Variants in HIVEP3 observed in about 807,000 individuals in gnomAD.
HIVEP3 encodes the protein transcription factor HIVEP3.
In HIVEP3, 49 loss-of-function variants were observed where a neutral mutation model predicts 152.8. That is an observed-to-expected ratio of 0.32 (90% CI 0.26 to 0.41). The LOEUF is 0.41. HIVEP3 is among the 10% of genes least tolerant of loss of function. The pLI is 1.00. For missense variants in HIVEP3, 2,790 were observed against 3,103.3 expected, an observed-to-expected ratio of 0.90 and a Z score of 2.40; for synonymous variants, 1,269 against 1,289.0, an observed-to-expected ratio of 0.98 and a Z score of 0.33.
At chr1:41,576,752 A>G (rs1319345984) in intron 4 of HIVEP3, among the ~76,000 whole-genome samples, 1 of 152,198 alleles carries the variant, frequency 6.6e-6, no homozygotes, top group Non-Finnish European at 1.5e-5. Flanking sequence ...CCAGCACCAG[A>G]TAGGCCATGG....
At chr1:41,927,493 C>G (rs1644974021) in intron 1 of HIVEP3, among the ~76,000 whole-genome samples, 1 of 152,158 alleles carries the variant, frequency 6.6e-6, no homozygotes, top group Admixed American at 6.5e-5. Context: ...TTACATTCAC[C>G]TAGGGTAAAA....
chr1:41,768,344 A>G (rs946660596), intron 1 of HIVEP3, among the ~76,000 whole-genome samples: 1 of 152,248 alleles, frequency 6.6e-6, no homozygotes, highest in African/African-American at 2.4e-5. Flanking sequence ...TATCGCAAGA[A>G]GAGCAGGAGA....
At chr1:41,609,062 T>TA (rs34046231) in intron 3 of HIVEP3, among the ~76,000 whole-genome samples, 7,757 of 141,468 alleles carry the variant, frequency 0.055, 509 homozygotes, top group African/African-American at 0.16. Context: ...TCCGTCTCAA[T>TA]AAAAAAAAAA....
intron 2 of HIVEP3, among the ~76,000 whole-genome samples, chr1:41,694,449 G>A (rs191275976): frequency 5.3e-5 from 8 of 152,252 alleles, no homozygotes; most frequent in Admixed American, 1.3e-4. Context: ...GATATTTGCC[G>A]GGTGAATGAA....
rs767464049 is a variant in HIVEP3, at chr1:41,584,630, C to A, written c.168G>T (p.Pro56=). The A allele has an allele frequency of 5.0e-6, 8 of 1,606,978 alleles. No individual in the cohort carries two copies. In the South Asian group the frequency reaches 5.6e-5, roughly 11 times the overall value. The part of the protein sequence containing the change: ...QESPAQELLA[P]QPFPGPSSVL... ...CTGATGAGGGGCCCGGGAAGGGCTG[C>A]GGGGCTAAGAGCTCTTGGGCGGGGC... Residue 56 remains proline, a synonymous_variant, in exon 4 of 9, where the codon CCG becomes CCT. Transcript: ENST00000372583. The surrounding 1 kb of genome is among the most constrained non-coding windows in gnomAD (Gnocchi z 5.2).
At chr1:41,585,420 A>C (rs1644489951) in intron 3 of HIVEP3, 102 bp from the exon 4 acceptor site, 5 of 398,306 alleles carry the variant, frequency 1.3e-5, no homozygotes, top group Non-Finnish European at 2.2e-5. Flanking sequence ...ACTCGGTGCC[A>C]CACCTGGCTG....
At chr1:41,589,137 T>C (rs1004615166) in intron 3 of HIVEP3, among the ~76,000 whole-genome samples, 1 of 152,228 alleles carries the variant, frequency 6.6e-6, no homozygotes, top group African/African-American at 2.4e-5. Flanking sequence ...AAAGAGCCAC[T>C]TTTCCAGGGA....
In HIVEP3 at chr1:41,686,405, TA is replaced by T. The variant is rs1447858914; in HGVS notation, c.-721+14510del. Among the ~76,000 whole-genome samples, 3 of 152,132 alleles carry T rather than the reference TA, an allele frequency of 2.0e-5. No individual in the cohort carries two copies. The East Asian group carries it at 5.8e-4, about 29-fold the overall frequency. On this transcript the variant is annotated intron_variant, in intron 2 of 8. Transcript: ENST00000372583. ...TGTATTTTCAAAGTCACCACTTAAG[TA>T]ATCTCCTCCAGAACAATGGGCCCAT...
chr1:41,544,051 T>G (rs1643600131), intron 5 of HIVEP3: 1 of 152,066 alleles, frequency 6.6e-6, no homozygotes, highest in Non-Finnish European at 1.5e-5. Flanking sequence ...CGTCTTTATC[T>G]TCTGTTGGAG....
chr1:41,836,104 A>G (rs554644661), intron 1 of HIVEP3, among the ~76,000 whole-genome samples: 1 of 152,208 alleles, frequency 6.6e-6, no homozygotes, highest in Admixed American at 6.5e-5. Context: ...GCATGTTTTG[A>G]GTCCCATGAT....
chr1:41,919,328 T>A (rs1391213210), upstream of HIVEP3, among the ~76,000 whole-genome samples: 1 of 152,178 alleles, frequency 6.6e-6, no homozygotes, highest in African/African-American at 2.4e-5. Context: ...AGCCTCTGGC[T>A]GCAGATCAGG....
chr1:41,897,494 T>G (rs1344247930), intron 1 of HIVEP3, among the ~76,000 whole-genome samples: 1 of 152,150 alleles, frequency 6.6e-6, no homozygotes, highest in Non-Finnish European at 1.5e-5. Context: ...AGGCATCTTT[T>G]CTGAAGAACA....
In HIVEP3 at chr1:41,642,657, G is replaced by A. The variant is rs531869224; in HGVS notation, c.-720-13710C>T. 1.2e-4 allele frequency among the ~76,000 whole-genome samples: 19 copies of A among 152,360 alleles called. No individual in the cohort carries two copies. The East Asian group carries it at 3.7e-3, about 29-fold the overall frequency. The stretch of plus-strand genomic sequence containing the variant: ...AGGACAGGACTGGGATGTGTGTGAT[G>A]CATCCGTGTCACTCACAGAGCCTTG... On this transcript the variant is annotated intron_variant, in intron 2 of 8. Coordinates refer to ENST00000372583, the MANE Select transcript of HIVEP3 (RefSeq NM_024503.5).
intron 1 of HIVEP3, among the ~76,000 whole-genome samples, chr1:41,970,853 A>G (rs905383925): frequency 6.6e-6 from 1 of 152,190 alleles, no homozygotes; most frequent in African/African-American, 2.4e-5. Context: ...AAGCTAAGGA[A>G]CATCTAGGGC....
chr1:41,778,405 A>G (rs1435846057), intron 1 of HIVEP3, among the ~76,000 whole-genome samples: 1 of 152,208 alleles, frequency 6.6e-6, no homozygotes, highest in Admixed American at 6.5e-5. Context: ...CCGGCTTGGC[A>G]TATCACAGTC....
intron 1 of HIVEP3, among the ~76,000 whole-genome samples, chr1:41,777,672 C>T (rs555395634): frequency 4.9e-4 from 74 of 152,362 alleles, no homozygotes; most frequent in African/African-American, 1.7e-3. Flanking sequence ...GGCAGTTCAT[C>T]GGTTAGACCT....
At chr1:41,866,201 T>A (rs543173549) in intron 1 of HIVEP3, among the ~76,000 whole-genome samples, 2 of 152,300 alleles carry the variant, frequency 1.3e-5, no homozygotes, top group African/African-American at 4.8e-5. Flanking sequence ...GAGATGGGGA[T>A]GGACACATCT....
chr1:41,896,434 C>G (rs1644528184), intron 1 of HIVEP3, among the ~76,000 whole-genome samples: 1 of 152,182 alleles, frequency 6.6e-6, no homozygotes, highest in South Asian at 2.1e-4. Context: ...GTGGAGGCAA[C>G]TGCATTAGGT....
intron 1 of HIVEP3, among the ~76,000 whole-genome samples, chr1:41,993,311 C>A (rs1317214155): frequency 1.3e-5 from 2 of 151,052 alleles, no homozygotes; most frequent in Non-Finnish European, 1.5e-5. Context: ...AAGAAAAAAA[C>A]AAACAACCCC....
Sources: allele counts gnomAD v4.1 joint callset (sites outside exome capture counted in the v4.1 genomes callset), GRCh38; gene constraint gnomAD v4.1.1; non-coding constraint Gnocchi (gnomAD v3.1); transcripts MANE v1.5; gene names NCBI Gene and HGNC (gene_info 2026-07-23, HGNC 2026-07-21).